The following TMC7 variants were observed in gnomAD, a reference collection of about 807,000 sequenced individuals.
The protein encoded by TMC7 is transmembrane channel like 7.
Under a neutral mutation model 82.9 loss-of-function variants are expected in TMC7, and 54 were observed. That is an observed-to-expected ratio of 0.65 (90% CI 0.52 to 0.82). The LOEUF (loss-of-function observed/expected upper bound fraction) is 0.82, where lower values mean the gene tolerates loss of function less well. Among genes scored for constraint, TMC7 ranks in the 40% least tolerant of loss-of-function variants. TMC7 has a pLI of 0.00. For synonymous variants in TMC7, 350 were observed against 337.9 expected (o/e 1.04, Z -0.39); for missense variants, 820 against 901.2 (o/e 0.91, Z 1.15).
At position 19,034,659 on chromosome 16, in the gene TMC7, G is replaced by A. The variant is rs184477930; in HGVS notation, c.858-1017G>A. Reference sequence around the variant, plus strand: ...ATAAAAGGGACTGACTTGAAGTGGGGGTTATAGCCTTAGATGGGGAGGTGA... The same window carrying A: ...ATAAAAGGGACTGACTTGAAGTGGGAGTTATAGCCTTAGATGGGGAGGTGA... On this transcript the variant is annotated intron_variant, in intron 6 of 15. Transcript: ENST00000304381. Among the ~76,000 whole-genome samples, 33 of 152,102 alleles carry A rather than the reference G, an allele frequency of 2.2e-4. No individual in the cohort carries two copies. The East Asian group carries it at 5.2e-3, about 24-fold the overall frequency.
intron 1 of TMC7, among the ~76,000 whole-genome samples, chr16:18,992,511 A>G (rs1483304275): frequency 1.3e-5 from 2 of 152,060 alleles, no homozygotes; most frequent in Non-Finnish European, 2.9e-5. Flanking sequence ...TTTGTCAGAT[A>G]AGTAGATTTC....
rs1328156527 is a variant in TMC7, at chr16:19,051,772, C to T, written c.1827C>T (p.Ile609=). 9 of 1,613,968 alleles carry T rather than the reference C, an allele frequency of 5.6e-6. No individual in the cohort carries two copies. The East Asian group carries it at 6.7e-5, about 12-fold the overall frequency. The part of the protein sequence containing the change: ...SNFFFLLVLL[I]GLCLAIIPLT... The stretch of plus-strand genomic sequence containing the variant: ...TCTTCTTCCTGTTGGTGTTGTTGAT[C>T]GGGCTGTGTTTGGCAATAATACCTC... The change falls in exon 13 of 16, where the codon ATC becomes ATT. Residue 609 remains isoleucine, a synonymous_variant. Coordinates refer to ENST00000304381, the MANE Select transcript of TMC7 (RefSeq NM_024847.4).
At chr16:19,006,226 G>A (rs1175830516) in intron 1 of TMC7, among the ~76,000 whole-genome samples, 1 of 149,522 alleles carries the variant, frequency 6.7e-6, no homozygotes, top group East Asian at 2.0e-4. Context: ...TTTGGACGGA[G>A]TTTCGCTCTT....
intron 6 of TMC7, among the ~76,000 whole-genome samples, chr16:19,032,768 C>A (rs1339916040): frequency 1.3e-5 from 2 of 152,094 alleles, no homozygotes; most frequent in African/African-American, 4.8e-5. Flanking sequence ...GCTGAGATTA[C>A]AGGTGCACGC....
intron 3 of TMC7, among the ~76,000 whole-genome samples, chr16:19,021,230 C>A (rs1959958860): frequency 6.6e-6 from 1 of 152,182 alleles, no homozygotes; most frequent in African/African-American, 2.4e-5. Context: ...GTAATTAAGA[C>A]AGTCTAGCAT....
chr16:18,993,623 C>T (rs1255701724), intron 1 of TMC7, among the ~76,000 whole-genome samples: 1 of 152,064 alleles, frequency 6.6e-6, no homozygotes, highest in East Asian at 1.9e-4. Context: ...TTTTGATGGC[C>T]CTTGCAGTGA....
intron 5 of TMC7, among the ~76,000 whole-genome samples, chr16:19,026,468 C>T (rs1469367366): frequency 6.8e-6 from 1 of 147,912 alleles, no homozygotes; most frequent in African/African-American, 2.5e-5. Flanking sequence ...CAGAGTGAGA[C>T]TCCGTCTCAA....
At chr16:19,009,079 T>G (rs2039290653) in intron 1 of TMC7, 93 bp from the exon 2 acceptor site, 2 of 1,417,104 alleles carry the variant, frequency 1.4e-6, no homozygotes, top group Non-Finnish European at 1.9e-6. Flanking sequence ...AGTAACTATC[T>G]GCAAGGTTCA....
chr16:19,034,686 G>A (rs992076793), intron 6 of TMC7, among the ~76,000 whole-genome samples: 2 of 151,970 alleles, frequency 1.3e-5, no homozygotes, highest in Non-Finnish European at 2.9e-5. Context: ...GGGAGGTGAG[G>A]GATTATAAAG....
At chr16:19,006,387 T>A (rs1324374548) in intron 1 of TMC7, among the ~76,000 whole-genome samples, 1 of 152,200 alleles carries the variant, frequency 6.6e-6, no homozygotes, top group Non-Finnish European at 1.5e-5. Flanking sequence ...TTTCTCCATG[T>A]TGGTCAGGCT....
At chr16:18,985,605 G>A (rs1263824405) in intron 1 of TMC7, among the ~76,000 whole-genome samples, 3 of 151,840 alleles carry the variant, frequency 2.0e-5, no homozygotes, top group African/African-American at 7.3e-5. Context: ...TTGCATCTTT[G>A]CTAAGTGTAT....
At chr16:19,007,226 T>A (rs1443920155) in intron 1 of TMC7, among the ~76,000 whole-genome samples, 1 of 152,102 alleles carries the variant, frequency 6.6e-6, no homozygotes, top group Non-Finnish European at 1.5e-5. Context: ...CTCCACCTCA[T>A]TGTCCTAGGC....
intron 7 of TMC7, 89 bp downstream of exon 7, chr16:19,035,912 G>C: frequency 2.1e-6 from 3 of 1,457,632 alleles, no homozygotes; most frequent in Non-Finnish European, 2.8e-6. Flanking sequence ...AGAGGATCAA[G>C]GGTCGGGGAC....
chr16:19,020,982 G>C (rs1959944873), intron 3 of TMC7, among the ~76,000 whole-genome samples: 1 of 151,986 alleles, frequency 6.6e-6, no homozygotes, highest in South Asian at 2.1e-4. Flanking sequence ...AACTAAGGAA[G>C]ACCTAAATAT....
At chr16:19,055,849 A>C (rs1171411971) in intron 13 of TMC7, among the ~76,000 whole-genome samples, 1 of 151,952 alleles carries the variant, frequency 6.6e-6, no homozygotes, top group Non-Finnish European at 1.5e-5. Flanking sequence ...TACGTTAGCT[A>C]TTTTTCCTAA....
chr16:19,021,119 C>A (rs1266369730), intron 3 of TMC7, among the ~76,000 whole-genome samples: 1 of 152,080 alleles, frequency 6.6e-6, no homozygotes, highest in Non-Finnish European at 1.5e-5. Flanking sequence ...AACACTAATT[C>A]TAACATTTGT....
chr16:19,061,657 A>G (rs1331552517), intron 15 of TMC7, 121 bp from the exon 16 acceptor site: 1 of 750,464 alleles, frequency 1.3e-6, no homozygotes, highest in Non-Finnish European at 2.2e-6. Context: ...ACAATGACAG[A>G]CCAGATGAGA....
intron 15 of TMC7, 73 bp from the exon 16 acceptor site, chr16:19,061,705 C>T: frequency 7.5e-7 from 1 of 1,336,878 alleles, no homozygotes; most frequent in Admixed American, 1.9e-5. Context: ...ATCCTCAGCC[C>T]TCAGTCTGGT....
chr16:19,058,403 T>A (rs201621595), intron 14 of TMC7, among the ~76,000 whole-genome samples: 1 of 136,170 alleles, frequency 7.3e-6, no homozygotes, highest in Non-Finnish European at 1.6e-5. Context: ...ATAAATAAAA[T>A]AAATAAAATA....
Sources: gnomAD v4.1 joint callset for allele counts (sites outside exome capture counted in the v4.1 genomes callset) on GRCh38, gnomAD v4.1.1 for gene constraint, MANE v1.5 for transcripts, NCBI Gene and HGNC (gene_info 2026-07-23, HGNC 2026-07-21) for gene names.